Variants in RPL27A observed in about 807,000 individuals in gnomAD.
RPL27A encodes large ribosomal subunit protein uL15.
For missense variants in RPL27A, 118 were observed against 189.4 expected (o/e 0.62, Z 2.21); for synonymous variants, 69 against 68.3 (o/e 1.01, Z -0.05).
At position 8,685,877 on chromosome 11, in the gene RPL27A, G is replaced by A; in HGVS notation, c.*71G>A. On this transcript the variant is annotated 3_prime_UTR_variant, in exon 5 of 5. Transcript: ENST00000314138. The stretch of plus-strand genomic sequence containing the variant: ...GTGGTGTGAGTGTAGGTTCTTCAGT[G>A]GCACCTCTACATCCTGTGTGCATTG... 2.7e-6 allele frequency: 4 copies of A among 1,485,976 alleles called. No homozygotes were observed. The South Asian group carries it at 4.6e-5, about 17-fold the overall frequency. The allele number at this position is 1,485,976 out of a possible 1,614,324, so 92.0% of individuals were successfully genotyped here. A position where few individuals can be genotyped will look rare whatever the true frequency, so the allele number is the denominator to read the frequency against.
intron 2 of RPL27A, chr11:8,683,525 G>A (rs572002423): frequency 1.9e-4 from 106 of 566,104 alleles, no homozygotes; most frequent in Non-Finnish European, 3.1e-4. Flanking sequence ...TGTGGAACCT[G>A]AAAAGATGTT....
rs771784581 is a variant in RPL27A at position 8,686,833 on chromosome 11, TA to T, written c.*1028del. ...TAGATCTCGGTAAATTATAATTTGC[TA>T]CAGTTTTATGGTTCTTCCTGTGATT... On this transcript the variant is annotated 3_prime_UTR_variant, in exon 5 of 5. Coordinates refer to ENST00000314138, the MANE Select transcript of RPL27A (RefSeq NM_000990.5). 1.3e-5 allele frequency: 2 copies of T among 152,354 alleles called. No individual in the cohort carries two copies. The highest frequency in any genetic ancestry group is 3.9e-4 in the East Asian group (2 of 5,188). 9.4% of individuals were successfully genotyped at this position (152,354 alleles called of 1,614,324 possible).
At chr11:8,683,925 A>ACC (rs202186773) in intron 2 of RPL27A, 81 bp from the exon 3 acceptor site, 77 of 1,092,676 alleles carry the variant, frequency 7.0e-5, no homozygotes, top group African/African-American at 4.3e-4. Context: ...CAGGTGATCT[A>ACC]CCCCCCCTCG....
In RPL27A at chr11:8,686,127, G is replaced by C. The variant is rs143327074; in HGVS notation, c.*321G>C. 4.3e-6 allele frequency: 1 copy of C among 234,246 alleles called. No homozygotes were observed. The highest frequency in any genetic ancestry group is 8.5e-6 in the Non-Finnish European group (1 of 117,726). The allele number at this position is 234,246 out of a possible 1,614,324, so 14.5% of individuals were successfully genotyped here. A position where few individuals can be genotyped will look rare whatever the true frequency, so the allele number is the denominator to read the frequency against. Reference sequence around the variant, plus strand: ...CCTAATTGTTCAACAGGGCTCAAAAGGAAAGATTCCATTTTGATGGGTCAC... The same window carrying C: ...CCTAATTGTTCAACAGGGCTCAAAACGAAAGATTCCATTTTGATGGGTCAC... On this transcript the variant is annotated 3_prime_UTR_variant, in exon 5 of 5. Transcript: ENST00000314138.
intron 2 of RPL27A, chr11:8,683,624 C>T (rs1254985508): frequency 1.6e-5 from 8 of 485,302 alleles, no homozygotes; most frequent in Non-Finnish European, 2.6e-5. Context: ...GTCTGGGAAA[C>T]ACTCTGCTTT....
Position 8,689,173 on chromosome 11 carries a change from T to G in RPL27A, c.*3367T>G, listed in dbSNP as rs2039615766. On this transcript the variant is annotated 3_prime_UTR_variant, in exon 5 of 5. Coordinates refer to ENST00000314138, the MANE Select transcript of RPL27A (RefSeq NM_000990.5). ...GGTCCTTGGGCGGCCGTGGGTCCCC[T>G]TCGAAGCGGAGGAATGGCCAACCTC... is the stretch of plus-strand genomic sequence containing the variant. The G allele has an allele frequency of 6.6e-6, 1 of 152,246 alleles. No homozygotes were observed. The highest frequency in any genetic ancestry group is 2.4e-5 in the African/African-American group (1 of 41,458). The allele number at this position is 152,246 out of a possible 1,614,324, so 9.4% of individuals were successfully genotyped here. A position where few individuals can be genotyped will look rare whatever the true frequency, so the allele number is the denominator to read the frequency against.
chr11:8,683,279 TC>T lies in RPL27A; in HGVS notation c.67+18del. ...ACGGCCGCATAGGTAAGTGCCGGCT[TC>T]CCCTCGGGGTGGGCCTTGGGCTCTC... On this transcript the variant is annotated intron_variant, in intron 2 of 4. Transcript: ENST00000314138. The T allele has an allele frequency of 6.2e-7, 1 of 1,613,548 alleles. No individual in the cohort carries two copies. The highest frequency in any genetic ancestry group is 1.7e-5 in the Admixed American group (1 of 60,010).
In RPL27A at chr11:8,688,625, T is replaced by C. The variant is rs1244839216; in HGVS notation, c.*2819T>C. 1 of 152,232 alleles carries C rather than the reference T, an allele frequency of 6.6e-6. No individual in the cohort carries two copies. Among genetic ancestry groups the C allele is most frequent in the Non-Finnish European group, 1.5e-5 (1 of 68,050 alleles). 9.4% of individuals were successfully genotyped at this position (152,232 alleles called of 1,614,324 possible). A position where few individuals can be genotyped will look rare whatever the true frequency, so the allele number is the denominator to read the frequency against. On this transcript the variant is annotated 3_prime_UTR_variant, in exon 5 of 5. Coordinates refer to ENST00000314138, the MANE Select transcript of RPL27A (RefSeq NM_000990.5). ...GCAAAAGATCTAATTTCTGGTCTAATGTATATATGCCTTAAATATAGTTGC... is the reference window on the plus strand; with the variant it reads ...GCAAAAGATCTAATTTCTGGTCTAACGTATATATGCCTTAAATATAGTTGC...
chr11:8,684,736 G>T lies in RPL27A; in HGVS notation c.162G>T (p.Gly54=). The part of the protein sequence containing the change: ...NFDKYHPGYF[G]KVGMKHYHLK... ...TTCCTAGCCACCCAGGCTACTTTGG[G>T]AAAGTTGGTATGAAGCATTACCACT... The change falls in exon 4 of 5, where the codon GGG becomes GGT. Residue 54 remains glycine, a synonymous_variant. Coordinates refer to ENST00000314138, the MANE Select transcript of RPL27A (RefSeq NM_000990.5). 6.2e-7 allele frequency: 1 copy of T among 1,613,958 alleles called. No homozygotes were observed. Among genetic ancestry groups the T allele is most frequent in the South Asian group, 1.1e-5 (1 of 91,078 alleles).
In RPL27A at chr11:8,683,235, G is replaced by A. The variant is rs1427365643; in HGVS notation, c.37G>A (p.Gly13Ser). Residue 13 changes from glycine to serine, a missense_variant, in exon 2 of 5, where the codon GGC (glycine) becomes AGC (serine). Coordinates refer to ENST00000314138, the MANE Select transcript of RPL27A (RefSeq NM_000990.5). Reference sequence around the variant, plus strand: ...ACTGAGGAAGACCCGGAAACTTAGGGGCCACGTGAGCCACGGCCACGGCCG... The same window carrying A: ...ACTGAGGAAGACCCGGAAACTTAGGAGCCACGTGAGCCACGGCCACGGCCG... ...SRLRKTRKLR[G>S]HVSHGHGRIG... The A allele has an allele frequency of 6.2e-7, 1 of 1,614,246 alleles. No individual in the cohort carries two copies.
At chr11:8,682,907 G>A (rs895217460) in intron 1 of RPL27A, 91 bp downstream of exon 1, 3 of 1,475,404 alleles carry the variant, frequency 2.0e-6, no homozygotes, top group Admixed American at 4.4e-5. Flanking sequence ...TCCCTACCAT[G>A]GTCGGGGCTT....
chr11:8,683,624 C>G (rs1254985508), intron 2 of RPL27A: 1 of 485,302 alleles, frequency 2.1e-6, no homozygotes, highest in African/African-American at 1.9e-5. Context: ...GTCTGGGAAA[C>G]ACTCTGCTTT....
At chr11:8,683,592 A>G (rs2039536904) in intron 2 of RPL27A, 1 of 509,162 alleles carries the variant, frequency 2.0e-6, no homozygotes. Flanking sequence ...TAGGGTGGGA[A>G]CAGCGTAAGC....
At chr11:8,682,853 G>A (rs201011364) in intron 1 of RPL27A, 37 bp downstream of exon 1, 299 of 1,604,544 alleles carry the variant, frequency 1.9e-4, no homozygotes, top group Non-Finnish European at 2.4e-4. Context: ...TTCCTTGCCG[G>A]CGGAGACCCC....
rs573780838 is a variant in RPL27A at position 8,688,789 on chromosome 11, A to G, written c.*2983A>G. 1.3e-5 allele frequency: 2 copies of G among 152,388 alleles called. No homozygotes were observed. The highest frequency in any genetic ancestry group is 4.1e-4 in the South Asian group (2 of 4,824). 9.4% of individuals were successfully genotyped at this position (152,388 alleles called of 1,614,324 possible). A position where few individuals can be genotyped will look rare whatever the true frequency, so the allele number is the denominator to read the frequency against. On this transcript the variant is annotated 3_prime_UTR_variant, in exon 5 of 5. Coordinates refer to ENST00000314138, the MANE Select transcript of RPL27A (RefSeq NM_000990.5). ...ATAAATGTACTACTAAACCCTACTT[A>G]GCGGCTAACTAGCCCAAGAGCAGAC... is the stretch of plus-strand genomic sequence containing the variant.
intron 2 of RPL27A, chr11:8,683,568 A>C (rs2039535781): frequency 3.8e-6 from 2 of 530,392 alleles, no homozygotes; most frequent in East Asian, 6.7e-5. Flanking sequence ...CGCATTGCTG[A>C]AAACCGGCAT....
chr11:8,684,967 A>G, intron 4 of RPL27A, 75 bp downstream of exon 4: 2 of 1,398,342 alleles, frequency 1.4e-6, no homozygotes, highest in East Asian at 2.3e-5. Context: ...ATCCACTTAT[A>G]TAATCTGTAC....
Position 8,685,953 on chromosome 11 carries a change from A to G in RPL27A, c.*147A>G. 3.0e-6 allele frequency: 2 copies of G among 673,976 alleles called. No homozygotes were observed. Among genetic ancestry groups the G allele is most frequent in the Non-Finnish European group, 5.0e-6 (2 of 400,418 alleles). The allele number at this position is 673,976 out of a possible 1,614,324, so 41.7% of individuals were successfully genotyped here. A position where few individuals can be genotyped will look rare whatever the true frequency, so the allele number is the denominator to read the frequency against. ...TATGAAGACATGGGGTCCTCTCCTG[A>G]CTTCCCTCAAATATATGGTAAACGT... is the stretch of plus-strand genomic sequence containing the variant. On this transcript the variant is annotated 3_prime_UTR_variant, in exon 5 of 5. Transcript: ENST00000314138.
intron 3 of RPL27A, 64 bp from the exon 4 acceptor site, chr11:8,684,654 T>C (rs1052843051): frequency 6.3e-5 from 89 of 1,421,558 alleles, no homozygotes; most frequent in Non-Finnish European, 7.8e-5. Flanking sequence ...GTGGTAACTA[T>C]AAAGATGATA....
Sources: gnomAD v4.1 joint callset for allele counts on GRCh38, gnomAD v4.1.1 for gene constraint, MANE v1.5 for transcripts, NCBI Gene and HGNC (gene_info 2026-07-23, HGNC 2026-07-21) for gene names.